The following ASTN2 variants were observed in gnomAD, a reference collection of about 807,000 sequenced individuals.
ASTN2 encodes the protein astrotactin 2.
ASTN2 carries 54 observed loss-of-function variants against 139.8 expected under a neutral mutation model. The observed-to-expected ratio is 0.39, with a 90% CI of 0.31 to 0.48. The LOEUF (loss-of-function observed/expected upper bound fraction) is 0.48, where lower values mean the gene tolerates loss of function less well. Among genes scored for constraint, ASTN2 ranks in the 20% least tolerant of loss-of-function variants. The pLI is 0.95. For synonymous variants in ASTN2, 756 were observed against 719.5 expected, an observed-to-expected ratio of 1.05 and a Z score of -0.81; for missense variants, 1,565 against 1,725.1, an observed-to-expected ratio of 0.91 and a Z score of 1.64.
At chr9:117,205,091 T>A (rs1831871693) in intron 3 of ASTN2, among the ~76,000 whole-genome samples, 1 of 151,998 alleles carries the variant, frequency 6.6e-6, no homozygotes, top group South Asian at 2.1e-4. Flanking sequence ...CACATGAAAA[T>A]GATAAATAAC....
chr9:116,728,841 A>C, intron 15 of ASTN2, 151 bp downstream of exon 15: 1 of 636,260 alleles, frequency 1.6e-6, no homozygotes. Context: ...CTGTCCACCC[A>C]CCCTCCCTAG....
At chr9:117,001,475 T>G (rs1837188306) in intron 7 of ASTN2, among the ~76,000 whole-genome samples, 1 of 152,052 alleles carries the variant, frequency 6.6e-6, no homozygotes, top group Admixed American at 6.6e-5. Context: ...CTCAAAGTCT[T>G]TGGATCCTTA....
rs1370930835 is a variant in ASTN2, at chr9:116,840,166, CAT to C, written c.2041-19385_2041-19384del. Among the ~76,000 whole-genome samples the C allele has an allele frequency of 2.0e-5, 3 of 148,092 alleles. No homozygotes were observed. In the East Asian group the frequency reaches 6.2e-4, roughly 31 times the overall value. ...CATTCAACCCTGAGTGGATACAGCA[CAT>C]GTTTCAGAGAGCACAGGGTTGGGGG... On this transcript the variant is annotated intron_variant, in intron 11 of 22. Coordinates refer to ENST00000313400, the MANE Select transcript of ASTN2 (RefSeq NM_001365068.1).
intron 4 of ASTN2, among the ~76,000 whole-genome samples, chr9:117,139,434 A>G (rs978531685): frequency 6.6e-6 from 1 of 152,186 alleles, no homozygotes; most frequent in Non-Finnish European, 1.5e-5. Flanking sequence ...GACCTGTCTG[A>G]CTTTAAGGTG....
chr9:116,552,599 A>T (rs960656967), intron 19 of ASTN2, among the ~76,000 whole-genome samples: 5 of 152,176 alleles, frequency 3.3e-5, no homozygotes, highest in Admixed American at 2.6e-4. Flanking sequence ...AGAAGGAGAG[A>T]CTTATCAGAG....
chr9:117,230,417 GTC>G (rs1254781740), intron 2 of ASTN2, among the ~76,000 whole-genome samples: 9 of 152,004 alleles, frequency 5.9e-5, no homozygotes, highest in Non-Finnish European at 1.3e-4. Flanking sequence ...TCTCCCCTGT[GTC>G]TCTCTCCATC....
In ASTN2 at chr9:116,968,161, A is replaced by C. The variant is rs1157924812; in HGVS notation, c.1889+7047T>G. ...TCTGACATTGAGGCTCGAAGAGGTG[A>C]ACAAACTTTGCTCAAGTTAATTCTA... On this transcript the variant is annotated intron_variant, in intron 10 of 22. Transcript: ENST00000313400. Among the ~76,000 whole-genome samples, 3 of 152,184 alleles carry C rather than the reference A, an allele frequency of 2.0e-5. 1 individual carries two copies. The highest frequency in any genetic ancestry group is 2.9e-5 in the Non-Finnish European group (2 of 68,036).
At chr9:116,870,729 G>A (rs1367957762) in intron 10 of ASTN2, among the ~76,000 whole-genome samples, 1 of 152,186 alleles carries the variant, frequency 6.6e-6, no homozygotes, top group Non-Finnish European at 1.5e-5. Flanking sequence ...GTCAGCCCAA[G>A]CCTGATGCAG....
intron 13 of ASTN2, among the ~76,000 whole-genome samples, chr9:116,737,258 T>A (rs573719048): frequency 6.6e-6 from 1 of 152,086 alleles, no homozygotes; most frequent in East Asian, 1.9e-4. Flanking sequence ...GGCCTTTGCA[T>A]CGATCAGCTG....
At chr9:116,807,140 G>A (rs1831049807) in intron 12 of ASTN2, among the ~76,000 whole-genome samples, 1 of 152,176 alleles carries the variant, frequency 6.6e-6, no homozygotes. Context: ...TAAACAGCAG[G>A]CAATCTCTTA....
chr9:116,740,943 T>C (rs1396600281), intron 13 of ASTN2, among the ~76,000 whole-genome samples: 1 of 151,430 alleles, frequency 6.6e-6, no homozygotes, highest in Non-Finnish European at 1.5e-5. Context: ...TGTTGAACCA[T>C]GTGTAATAGA....
chr9:117,397,911 C>T (rs563915237), intron 1 of ASTN2, among the ~76,000 whole-genome samples: 76 of 152,262 alleles, frequency 5.0e-4, no homozygotes, highest in African/African-American at 1.7e-3. Context: ...CACCCACCCC[C>T]GACAGGTTGT....
intron 1 of ASTN2, among the ~76,000 whole-genome samples, chr9:117,344,744 C>G (rs1314118159): frequency 6.6e-6 from 1 of 152,082 alleles, no homozygotes; most frequent in Non-Finnish European, 1.5e-5. Flanking sequence ...ACACGGGTTT[C>G]AACTCTAGAC....
intron 19 of ASTN2, among the ~76,000 whole-genome samples, chr9:116,520,402 C>A (rs1174578865): frequency 6.6e-6 from 1 of 152,034 alleles, no homozygotes; most frequent in African/African-American, 2.4e-5. Context: ...ACAAAAATCA[C>A]GTGATCATCT....
chr9:116,719,059 T>A (rs1235060753), intron 16 of ASTN2, among the ~76,000 whole-genome samples: 1 of 150,018 alleles, frequency 6.7e-6, no homozygotes, highest in African/African-American at 2.5e-5. Context: ...TTATCCTGGC[T>A]AATACACATC....
At chr9:116,966,705 T>A (rs76169287) in intron 10 of ASTN2, among the ~76,000 whole-genome samples, 4 of 142,616 alleles carry the variant, frequency 2.8e-5, no homozygotes, top group South Asian at 2.3e-4. Flanking sequence ...TCATTTTCTT[T>A]AAAAAAAAAA....
chr9:116,764,185 G>A (rs1241745312), intron 13 of ASTN2, among the ~76,000 whole-genome samples: 1 of 152,226 alleles, frequency 6.6e-6, no homozygotes, highest in African/African-American at 2.4e-5. Context: ...AGCGGGGACT[G>A]GTCCCAGATG....
At chr9:116,803,248 C>G (rs896274571) in intron 13 of ASTN2, among the ~76,000 whole-genome samples, 16 of 151,060 alleles carry the variant, frequency 1.1e-4, no homozygotes, top group African/African-American at 3.6e-4. Flanking sequence ...TGTAGAATCT[C>G]AGCATTGAAC....
intron 3 of ASTN2, among the ~76,000 whole-genome samples, chr9:117,163,006 G>A (rs1830587405): frequency 6.6e-6 from 1 of 152,016 alleles, no homozygotes; most frequent in Admixed American, 6.6e-5. Context: ...TGTCTACCGG[G>A]ATCACTGAAG....
Sources: allele counts gnomAD v4.1 joint callset (sites outside exome capture counted in the v4.1 genomes callset), GRCh38; gene constraint gnomAD v4.1.1; transcripts MANE v1.5; gene names NCBI Gene and HGNC (gene_info 2026-07-23, HGNC 2026-07-21).